The following TRHDE variants were observed in gnomAD, a reference collection of about 807,000 sequenced individuals.
TRHDE encodes thyrotropin-releasing hormone-degrading ectoenzyme.
In TRHDE, 72 loss-of-function variants were observed where a neutral mutation model predicts 125.7. The observed-to-expected ratio is 0.57, with a 90% CI of 0.47 to 0.70. The LOEUF (loss-of-function observed/expected upper bound fraction) is 0.70. Among genes scored for constraint, TRHDE ranks in the 30% least tolerant of loss-of-function variants. TRHDE has a pLI of 0.00. For synonymous variants in TRHDE, 509 were observed against 509.1 expected, an observed-to-expected ratio of 1.00 and a Z score of 0.00; for missense variants, 1,110 against 1,327.1, an observed-to-expected ratio of 0.84 and a Z score of 2.54.
Position 72,290,132 on chromosome 12 carries a change from T to A in TRHDE, c.1188+3178T>A, listed in dbSNP as rs77526984. On this transcript the variant is annotated intron_variant, in intron 2 of 18. Transcript: ENST00000261180. ...ATTCTTAAGGTTTGCAGTCTAGGGA[T>A]GTGCTTCATGGAGGAGATAGGATTC... Among the ~76,000 whole-genome samples, 1,107 of 152,312 alleles carry A rather than the reference T, an allele frequency of 7.3e-3. 5 individuals are homozygous for A. Among genetic ancestry groups the A allele is most frequent in the Non-Finnish European group, 0.011 (781 of 68,018 alleles).
At chr12:72,564,253 C>G (rs1388774956) in intron 9 of TRHDE, among the ~76,000 whole-genome samples, 2 of 152,178 alleles carry the variant, frequency 1.3e-5, no homozygotes, top group Non-Finnish European at 2.9e-5. Context: ...GTCAATGCTT[C>G]TTCCCCGAGC....
At chr12:72,301,184 G>A (rs1868256885) in intron 2 of TRHDE, among the ~76,000 whole-genome samples, 1 of 152,064 alleles carries the variant, frequency 6.6e-6, no homozygotes, top group African/African-American at 2.4e-5. Context: ...TGGCAAGTCG[G>A]GCTGAAAGTT....
intron 7 of TRHDE, among the ~76,000 whole-genome samples, chr12:72,549,110 G>T (rs1482770260): frequency 6.6e-6 from 1 of 151,808 alleles, no homozygotes; most frequent in African/African-American, 2.4e-5. Context: ...AAGGCAATGA[G>T]GTGTGGATAA....
At position 72,656,942 on chromosome 12, in the gene TRHDE, G is replaced by T. The variant is rs759869616; in HGVS notation, c.3000G>T (p.Leu1000Phe). 5.6e-6 allele frequency: 9 copies of T among 1,609,288 alleles called. No homozygotes were observed. In the South Asian group the frequency reaches 7.7e-5, roughly 14 times the overall value. The change falls in exon 18 of 19, where the codon TTG (leucine) becomes TTT (phenylalanine). Residue 1000 changes from leucine (L) to phenylalanine (F), a missense_variant. Transcript: ENST00000261180. The stretch of plus-strand genomic sequence containing the variant: ...TTCTTTTGAGGTATGGAGAAGCATT[G>T]TTTATGAATTCCAAACTCATCAGTG... ...KILNTRYGEA[L>F]FMNSKLISGV... is the part of the protein sequence containing the mutation.
chr12:72,187,561 T>C (rs1305273621), intron 2 of TRHDE, among the ~76,000 whole-genome samples: 2 of 151,216 alleles, frequency 1.3e-5, no homozygotes, highest in Non-Finnish European at 3.0e-5. Context: ...TCAGTCCCAG[T>C]TCAAGTCTGA....
chr12:72,223,780 T>C (rs1460872763), intron 2 of TRHDE, among the ~76,000 whole-genome samples: 1 of 152,134 alleles, frequency 6.6e-6, no homozygotes, highest in African/African-American at 2.4e-5. Context: ...CAGATCTCAT[T>C]GTTTTTCAGT....
At chr12:72,252,526 C>G (rs916817181) in intron 2 of TRHDE, among the ~76,000 whole-genome samples, 3 of 152,268 alleles carry the variant, frequency 2.0e-5, no homozygotes, top group Non-Finnish European at 4.4e-5. Flanking sequence ...AAATACCACA[C>G]AGTCTTGAGT....
At chr12:72,544,986 T>C (rs893023077) in intron 7 of TRHDE, among the ~76,000 whole-genome samples, 13 of 151,498 alleles carry the variant, frequency 8.6e-5, no homozygotes, top group African/African-American at 2.2e-4. Context: ...AAATTTTGTT[T>C]CTATAGTCAT....
chr12:72,330,650 A>C (rs532971283), intron 2 of TRHDE, among the ~76,000 whole-genome samples: 3 of 152,324 alleles, frequency 2.0e-5, no homozygotes, highest in East Asian at 3.9e-4. Context: ...CTGTAATTTG[A>C]AGTAACTGGG....
intron 2 of TRHDE, 104 bp downstream of exon 2, chr12:72,287,058 T>C (rs948661928): frequency 2.5e-6 from 3 of 1,185,162 alleles, no homozygotes; most frequent in East Asian, 4.8e-5. Context: ...TTACACCTTA[T>C]ATAGTGGAAT....
In TRHDE at chr12:72,232,872, T is replaced by C. The variant is rs115539299; in HGVS notation, n.279+127120T>C. Among the ~76,000 whole-genome samples, 706 of 152,272 alleles carry C rather than the reference T, an allele frequency of 4.6e-3. 7 individuals carry two copies. Among genetic ancestry groups the C allele is most frequent in the African/African-American group, 0.016 (655 of 41,554 alleles). On this transcript the variant is annotated intron_variant and non_coding_transcript_variant, in intron 2 of 4. Coordinates refer to the TRHDE transcript ENST00000548156. ...TTCTGCCTTCTCTGCTTTATTTCTT[T>C]TGAAAACACTACTCTCTAACTTATC...
intron 2 of TRHDE, among the ~76,000 whole-genome samples, chr12:72,355,443 C>A (rs1870772262): frequency 6.6e-6 from 1 of 151,420 alleles, no homozygotes; most frequent in Admixed American, 6.6e-5. Context: ...TAAAAAGAAC[C>A]TTCAAAACCC....
At chr12:72,504,423 C>T (rs1878278489) in intron 6 of TRHDE, among the ~76,000 whole-genome samples, 1 of 151,898 alleles carries the variant, frequency 6.6e-6, no homozygotes. Context: ...TCTGCCTCAG[C>T]CTCCTGAGCA....
chr12:72,638,749 C>T (rs1873888214), intron 15 of TRHDE, among the ~76,000 whole-genome samples: 1 of 151,598 alleles, frequency 6.6e-6, no homozygotes, highest in Non-Finnish European at 1.5e-5. Flanking sequence ...TATTTTATTT[C>T]TCCTTCACTT....
At chr12:72,574,759 A>C (rs1029107756) in intron 10 of TRHDE, among the ~76,000 whole-genome samples, 1 of 152,110 alleles carries the variant, frequency 6.6e-6, no homozygotes. Context: ...ATGATGTTGA[A>C]AAGTCTGTTA....
intron 17 of TRHDE, among the ~76,000 whole-genome samples, chr12:72,655,253 TG>T (rs1303148672): frequency 6.6e-6 from 1 of 152,020 alleles, no homozygotes; most frequent in Non-Finnish European, 1.5e-5. Context: ...TTCTATTTTT[TG>T]TAGAGAGAAG....
intron 2 of TRHDE, among the ~76,000 whole-genome samples, chr12:72,362,750 A>C (rs1871159999): frequency 1.3e-5 from 2 of 152,078 alleles, no homozygotes; most frequent in African/African-American, 4.8e-5. Flanking sequence ...ATAAGGTGTA[A>C]GGAAGAGATC....
chr12:72,130,792 A>G (rs967949247), intron 2 of TRHDE, among the ~76,000 whole-genome samples: 1 of 152,162 alleles, frequency 6.6e-6, no homozygotes, highest in African/African-American at 2.4e-5. Flanking sequence ...TACTCAGAAA[A>G]ATACAAATTA....
chr12:72,357,311 T>C (rs754037732), intron 2 of TRHDE, among the ~76,000 whole-genome samples: 42 of 151,578 alleles, frequency 2.8e-4, no homozygotes, highest in Non-Finnish European at 5.0e-4. Flanking sequence ...CAAGATGTTT[T>C]TACTTGTTCA....
Sources: gnomAD v4.1 joint callset for allele counts (sites outside exome capture counted in the v4.1 genomes callset) on GRCh38, gnomAD v4.1.1 for gene constraint, MANE v1.5 for transcripts, NCBI Gene and HGNC (gene_info 2026-07-23, HGNC 2026-07-21) for gene names.